The following NEMP2 variants were observed in gnomAD, a reference collection of about 807,000 sequenced individuals.
NEMP2 encodes nuclear envelope integral membrane protein 2.
Under a neutral mutation model 54.2 loss-of-function variants are expected in NEMP2, and 53 were observed. The ratio of observed to expected loss-of-function variants is 0.98; its 90% CI spans 0.78 to 1.23. The LOEUF (loss-of-function observed/expected upper bound fraction) is 1.23. Among genes scored for constraint, NEMP2 ranks in the 50% most tolerant of loss-of-function variants. The pLI is 0.00. For synonymous variants in NEMP2, 197 were observed against 190.3 expected (o/e 1.04, Z -0.29); for missense variants, 455 against 511.3 (o/e 0.89, Z 1.06).
the NEMP2 span, among the ~76,000 whole-genome samples, chr2:190,460,877 C>T: frequency 6.6e-6 from 1 of 152,182 alleles, no homozygotes; most frequent in Non-Finnish European, 1.5e-5. Flanking sequence ...ATAATAGAAT[C>T]TTCTTCATAT....
the NEMP2 span, among the ~76,000 whole-genome samples, chr2:190,483,693 G>C: frequency 6.6e-6 from 1 of 151,944 alleles, no homozygotes; most frequent in African/African-American, 2.4e-5. Flanking sequence ...AAATTAGCTG[G>C]GCGTGGTGGC....
At position 190,519,163 on chromosome 2, in the gene NEMP2, G is replaced by A. The variant is rs376542889; in HGVS notation, c.234C>T (p.Gly78=). ...STMQVKITSP[G]LFRIVYIAER... Reference sequence around the variant, plus strand: ...CTGCGATATATACAATTCTGAACAGGCCTGGACTGGTAATTTTCACCTGTA... The same window carrying A: ...CTGCGATATATACAATTCTGAACAGACCTGGACTGGTAATTTTCACCTGTA... The change falls in exon 3 of 9, where the codon GGC becomes GGT. Residue 78 remains glycine, a synonymous_variant. Transcript: ENST00000409150. The surrounding 1 kb of genome is among the most constrained non-coding windows in gnomAD (Gnocchi z 5.4). The A allele has an allele frequency of 1.4e-5, 22 of 1,546,614 alleles. No homozygotes were observed. The African/African-American group carries it at 2.3e-4, about 16-fold the overall frequency.
At chr2:190,488,685 A>G in the NEMP2 span, 1 of 1,592,130 alleles carries the variant, frequency 6.3e-7, no homozygotes, top group Non-Finnish European at 8.5e-7. The surrounding 1 kb of genome is among the most constrained non-coding windows in gnomAD (Gnocchi z 6.4). Flanking sequence ...TCTGGGCAGC[A>G]TGCATTTCTT....
At chr2:190,468,862 A>G in the NEMP2 span, among the ~76,000 whole-genome samples, 1 of 152,136 alleles carries the variant, frequency 6.6e-6, no homozygotes, top group Non-Finnish European at 1.5e-5. Flanking sequence ...GATTCAGAAA[A>G]CAGAGCATTA....
Position 190,520,913 on chromosome 2 carries a change from C to T in NEMP2, c.214-1730G>A, listed in dbSNP as rs907336877. Among the ~76,000 whole-genome samples the T allele has an allele frequency of 6.6e-6, 1 of 152,152 alleles. No individual in the cohort carries two copies. The highest frequency in any genetic ancestry group is 2.4e-5 in the African/African-American group (1 of 41,418). The stretch of plus-strand genomic sequence containing the variant: ...AATATCCTCAATCTCTTTTTAGCCA[C>T]CTAAACTCCATGATCAATTATTATA... On this transcript the variant is annotated intron_variant, in intron 2 of 8. Coordinates refer to ENST00000409150, the MANE Select transcript of NEMP2 (RefSeq NM_001142645.2). The surrounding 1 kb of genome is among the most constrained non-coding windows in gnomAD (Gnocchi z 5.4).
rs1163915883 is a variant in NEMP2, at chr2:190,504,757, CG to C, written c.*4431del. 6.6e-6 allele frequency: 1 copy of C among 151,966 alleles called. No individual in the cohort carries two copies. The highest frequency in any genetic ancestry group is 2.4e-5 in the African/African-American group (1 of 41,364). 9.4% of individuals were successfully genotyped at this position (151,966 alleles called of 1,614,324 possible). On this transcript the variant is annotated 3_prime_UTR_variant, in exon 9 of 9. Coordinates refer to ENST00000409150, the MANE Select transcript of NEMP2 (RefSeq NM_001142645.2). The surrounding 1 kb of genome is among the most constrained non-coding windows in gnomAD (Gnocchi z 5.6). ...TGTAAACTTACATTTGAAAAAAGGTCGGATTTTTTTTGTTTCCTGAAAAGAT... is the reference window on the plus strand; with the variant it reads ...TGTAAACTTACATTTGAAAAAAGGTCGATTTTTTTTGTTTCCTGAAAAGAT...
the NEMP2 span, among the ~76,000 whole-genome samples, chr2:190,597,325 T>A: frequency 6.6e-6 from 1 of 151,446 alleles, no homozygotes; most frequent in African/African-American, 2.4e-5. The surrounding 1 kb of genome is among the most constrained non-coding windows in gnomAD (Gnocchi z 4.7). Flanking sequence ...GAATTTGGGC[T>A]AAGAGATAAA....
At chr2:190,567,560 A>T in the NEMP2 span, among the ~76,000 whole-genome samples, 2 of 152,212 alleles carry the variant, frequency 1.3e-5, no homozygotes, top group African/African-American at 4.8e-5. This position sits in a 1 kb window ranked among gnomAD's most constrained non-coding sequence, Gnocchi z 4.0. Flanking sequence ...AAGAGTAGGT[A>T]TCAGAATGCA....
downstream of NEMP2, chr2:190,504,240 G>A (rs1690133334): frequency 6.6e-6 from 1 of 152,202 alleles, no homozygotes. The surrounding 1 kb of genome is among the most constrained non-coding windows in gnomAD (Gnocchi z 5.6). Context: ...TTTAAAATGA[G>A]TTATCTGACA....
chr2:190,578,112 G>T, the NEMP2 span, among the ~76,000 whole-genome samples: 1 of 152,064 alleles, frequency 6.6e-6, no homozygotes. This position sits in a 1 kb window ranked among gnomAD's most constrained non-coding sequence, Gnocchi z 4.4. Context: ...GGGTCTCCTG[G>T]GCTTGTGTAA....
At chr2:190,546,526 T>C in the NEMP2 span, among the ~76,000 whole-genome samples, 1 of 152,194 alleles carries the variant, frequency 6.6e-6, no homozygotes, top group Non-Finnish European at 1.5e-5. The surrounding 1 kb of genome is among the most constrained non-coding windows in gnomAD (Gnocchi z 5.1). Context: ...TTTGCTAATG[T>C]CGTTAATCAT....
chr2:190,484,492 A>C, the NEMP2 span, among the ~76,000 whole-genome samples: 1 of 152,320 alleles, frequency 6.6e-6, no homozygotes. Flanking sequence ...ACAATTCCTA[A>C]GACTTCCTAA....
chr2:190,623,898 G>A, the NEMP2 span, among the ~76,000 whole-genome samples: 2 of 152,102 alleles, frequency 1.3e-5, no homozygotes, highest in African/African-American at 4.8e-5. Flanking sequence ...CCTACAGAAC[G>A]GGAGAAAATA....
In NEMP2 at chr2:190,528,467, G is replaced by C. The variant is rs147245483; in HGVS notation, c.98-3089C>G. On this transcript the variant is annotated intron_variant, in intron 1 of 8. Coordinates refer to ENST00000409150, the MANE Select transcript of NEMP2 (RefSeq NM_001142645.2). This position sits in a 1 kb window ranked among gnomAD's most constrained non-coding sequence, Gnocchi z 4.3. ...CAAACAAAAGTGATTCCTACCTATC[G>C]TTGGAAAGGGAGTGCATTCCAGCAG... is the stretch of plus-strand genomic sequence containing the variant. Among the ~76,000 whole-genome samples, 1 of 152,132 alleles carries C rather than the reference G, an allele frequency of 6.6e-6. No homozygotes were observed. Among genetic ancestry groups the C allele is most frequent in the Non-Finnish European group, 1.5e-5 (1 of 68,014 alleles).
rs140605677 is a variant in NEMP2 at position 190,514,195 on chromosome 2, T to C, written c.953+258A>G. 5.0e-4 allele frequency among the ~76,000 whole-genome samples: 76 copies of C among 152,370 alleles called. 1 individual carries two copies. The East Asian group carries it at 0.013, about 25-fold the overall frequency. ...ACCCAGAGTCCAAGTACTTCTGCCA[T>C]TGACTCTAGTGAATTCTGAGTGAGC... On this transcript the variant is annotated intron_variant, in intron 7 of 8. Coordinates refer to ENST00000409150, the MANE Select transcript of NEMP2 (RefSeq NM_001142645.2). This position sits in a 1 kb window ranked among gnomAD's most constrained non-coding sequence, Gnocchi z 5.7.
At chr2:190,570,094 G>A in the NEMP2 span, among the ~76,000 whole-genome samples, 1 of 152,184 alleles carries the variant, frequency 6.6e-6, no homozygotes, top group Non-Finnish European at 1.5e-5. This position sits in a 1 kb window ranked among gnomAD's most constrained non-coding sequence, Gnocchi z 5.4. Flanking sequence ...TTTACCCAGT[G>A]TTGTACAATT....
the NEMP2 span, among the ~76,000 whole-genome samples, chr2:190,569,438 G>A: frequency 6.6e-6 from 1 of 152,124 alleles, no homozygotes; most frequent in Non-Finnish European, 1.5e-5. Context: ...ATTCAGGCAT[G>A]AGGACATTTA....
chr2:190,423,956 G>A, the NEMP2 span, among the ~76,000 whole-genome samples: 2 of 152,136 alleles, frequency 1.3e-5, no homozygotes, highest in Admixed American at 1.3e-4. This position sits in a 1 kb window ranked among gnomAD's most constrained non-coding sequence, Gnocchi z 4.3. Context: ...TCAGTGAAAT[G>A]TCCCTTCACG....
At chr2:190,435,274 A>G in the NEMP2 span, 2 of 152,366 alleles carry the variant, frequency 1.3e-5, no homozygotes, top group Admixed American at 1.3e-4. Flanking sequence ...TGTGATGAAT[A>G]TGAATGAATA....
Sources: gnomAD v4.1 joint callset for allele counts (sites outside exome capture counted in the v4.1 genomes callset) on GRCh38, gnomAD v4.1.1 for gene constraint, Gnocchi (gnomAD v3.1) non-coding constraint, MANE v1.5 for transcripts, NCBI Gene and HGNC (gene_info 2026-07-23, HGNC 2026-07-21) for gene names.